The following CCP110 variants were observed in gnomAD, a reference collection of about 807,000 sequenced individuals.
CCP110 encodes the protein centriolar coiled-coil protein of 110 kDa.
In CCP110, 43 loss-of-function variants were observed where a neutral mutation model predicts 105.5. The observed-to-expected ratio is 0.41, with a 90% CI of 0.32 to 0.53. The LOEUF is 0.53. Ranked by LOEUF, CCP110 falls within the 20% of genes least tolerant of loss-of-function variation. The probability of loss-of-function intolerance (pLI) is 0.32; values close to 1 mark genes in which losing one functional copy is unlikely to be tolerated. For synonymous variants in CCP110, 353 were observed against 392.1 expected, an observed-to-expected ratio of 0.90 and a Z score of 1.18; for missense variants, 1,016 against 1,189.1, an observed-to-expected ratio of 0.85 and a Z score of 2.14.
intron 14 of CCP110, among the ~76,000 whole-genome samples, chr16:19,550,611 A>G (rs1207699170): frequency 1.3e-5 from 2 of 152,158 alleles, no homozygotes; most frequent in African/African-American, 2.4e-5. Context: ...ACAAATTTGA[A>G]ATTATGTTCT....
chr16:19,548,272 T>C lies in CCP110; in HGVS notation c.2901-243T>C. ...CATACCATTTTACTCATAAAGTATTTTAAATATCCATATAGTAAATTCAGC... is the reference window on the plus strand; with the variant it reads ...CATACCATTTTACTCATAAAGTATTCTAAATATCCATATAGTAAATTCAGC... On this transcript the variant is annotated intron_variant, in intron 13 of 14. Transcript: ENST00000381396. This position sits in a 1 kb window ranked among gnomAD's most constrained non-coding sequence, Gnocchi z 4.1. The C allele has an allele frequency of 1.7e-6, 1 of 576,688 alleles. No homozygotes were observed. The highest frequency in any genetic ancestry group is 2.8e-5 in the East Asian group (1 of 35,348). The allele number at this position is 576,688 out of a possible 1,614,324, so 35.7% of individuals were successfully genotyped here. A position where few individuals can be genotyped will look rare whatever the true frequency, so the allele number is the denominator to read the frequency against.
intron 3 of CCP110, among the ~76,000 whole-genome samples, chr16:19,534,880 T>C (rs1969995431): frequency 6.8e-6 from 1 of 146,550 alleles, no homozygotes; most frequent in Non-Finnish European, 1.5e-5. Context: ...GACTTTTTTT[T>C]TTTTTTTTTT....
chr16:19,551,502 C>G (rs924614604), exon 15 of CCP110: 1 of 468,476 alleles, frequency 2.1e-6, no homozygotes, highest in African/African-American at 2.0e-5. Flanking sequence ...CCTATACAAA[C>G]ATAAGTTTAT....
At chr16:19,545,710 T>C (rs956516360) in intron 10 of CCP110, 107 bp from the exon 11 acceptor site, 1 of 677,704 alleles carries the variant, frequency 1.5e-6, no homozygotes, top group Non-Finnish European at 2.6e-6. Context: ...AAATTAAAAA[T>C]GTTAGTAGAG....
intron 1 of CCP110, 78 bp from the exon 2 acceptor site, chr16:19,527,789 C>T: frequency 8.4e-7 from 1 of 1,187,454 alleles, no homozygotes; most frequent in Non-Finnish European, 1.2e-6. Context: ...GGGACTCTCT[C>T]ATGCTCTACA....
At chr16:19,540,922 A>C in intron 5 of CCP110, 135 bp downstream of exon 5, 1 of 546,476 alleles carries the variant, frequency 1.8e-6, no homozygotes, top group Non-Finnish European at 3.2e-6. Context: ...TTGATACGTG[A>C]ATGGTATTTT....
intron 4 of CCP110, among the ~76,000 whole-genome samples, chr16:19,538,651 A>G (rs1015176334): frequency 2.6e-5 from 4 of 151,834 alleles, no homozygotes; most frequent in Non-Finnish European, 4.4e-5. Flanking sequence ...GTTTTAATTC[A>G]CTGTATTGCT....
intron 5 of CCP110, 43 bp from the exon 6 acceptor site, chr16:19,541,843 TA>T: frequency 8.9e-7 from 1 of 1,121,170 alleles, no homozygotes; most frequent in Non-Finnish European, 1.2e-6. Flanking sequence ...TTTTGGGACA[TA>T]ATTAAAAGGT....
At chr16:19,538,208 C>T (rs1970145680) in intron 4 of CCP110, among the ~76,000 whole-genome samples, 1 of 151,816 alleles carries the variant, frequency 6.6e-6, no homozygotes, top group African/African-American at 2.4e-5. Context: ...CAGGCGTGAG[C>T]CATCATGCCT....
exon 4 of CCP110, chr16:19,536,063 G>A: frequency 1.2e-6 from 2 of 1,614,042 alleles, no homozygotes; most frequent in Non-Finnish European, 1.7e-6. Flanking sequence ...AAGCCATACG[G>A]AACACTCTAC....
Position 19,548,660 on chromosome 16 carries a change from A to C in CCP110, c.2986+60A>C. 1 of 1,053,118 alleles carries C rather than the reference A, an allele frequency of 9.5e-7. No homozygotes were observed. Among genetic ancestry groups the C allele is most frequent in the Non-Finnish European group, 1.4e-6 (1 of 709,314 alleles). The allele number at this position is 1,053,118 out of a possible 1,614,324, so 65.2% of individuals were successfully genotyped here. On this transcript the variant is annotated intron_variant, in intron 14 of 14. Transcript: ENST00000381396. The surrounding 1 kb of genome is among the most constrained non-coding windows in gnomAD (Gnocchi z 4.1). The stretch of plus-strand genomic sequence containing the variant: ...TAGAAGGAAGTGCACAAGCTGCCCC[A>C]TAACTCAGGCCATAGAAGTGGAATA...
intron 7 of CCP110, 58 bp downstream of exon 7, chr16:19,542,818 A>G (rs1970334667): frequency 6.5e-7 from 1 of 1,528,360 alleles, no homozygotes; most frequent in African/African-American, 1.4e-5. Context: ...TAAGAGCTAT[A>G]TTATCTTAGA....
chr16:19,541,649 G>GGAGAGA (rs142905705), intron 5 of CCP110, among the ~76,000 whole-genome samples: 30 of 128,920 alleles, frequency 2.3e-4, no homozygotes, highest in Admixed American at 1.2e-3. Flanking sequence ...GAGAGAGAGA[G>GGAGAGA]GAGAGAGAGA....
At position 19,545,081 on chromosome 16, in the gene CCP110, C is replaced by T; in HGVS notation, c.2587-13C>T. ...TTTTAAATGTATACAATATTTTCTTCTCTTGTGCCTAGTTGCGAGCTGCCT... is the reference window on the plus strand; with the variant it reads ...TTTTAAATGTATACAATATTTTCTTTTCTTGTGCCTAGTTGCGAGCTGCCT... On this transcript the variant is annotated splice_polypyrimidine_tract_variant and intron_variant, in intron 9 of 14. Transcript: ENST00000381396. The T allele has an allele frequency of 6.6e-7, 1 of 1,504,512 alleles. No homozygotes were observed. Among genetic ancestry groups the T allele is most frequent in the Non-Finnish European group, 9.2e-7 (1 of 1,088,622 alleles). 93.2% of individuals were successfully genotyped at this position (1,504,512 alleles called of 1,614,324 possible). A position where few individuals can be genotyped will look rare whatever the true frequency, so the allele number is the denominator to read the frequency against.
rs1032387327 is a variant in CCP110 at position 19,548,181 on chromosome 16, C to T, written c.2900+167C>T. ...TTTAAAGTTTTGTCTTCAAATGTAA[C>T]CCTCTTGGTGTACTGTTGTGTATTC... On this transcript the variant is annotated intron_variant, in intron 13 of 14. Transcript: ENST00000381396. This position sits in a 1 kb window ranked among gnomAD's most constrained non-coding sequence, Gnocchi z 4.1. 1.5e-6 allele frequency: 1 copy of T among 666,618 alleles called. No individual in the cohort carries two copies. The highest frequency in any genetic ancestry group is 2.6e-5 in the Admixed American group (1 of 39,128). 41.3% of individuals were successfully genotyped at this position (666,618 alleles called of 1,614,324 possible). A position where few individuals can be genotyped will look rare whatever the true frequency, so the allele number is the denominator to read the frequency against.
exon 4 of CCP110, chr16:19,537,062 T>G: frequency 6.2e-7 from 1 of 1,614,170 alleles, no homozygotes; most frequent in Non-Finnish European, 8.5e-7. Flanking sequence ...ATGTCAATCT[T>G]CAGGAAATCA....
At chr16:19,538,872 G>T (rs1006383447) in intron 4 of CCP110, among the ~76,000 whole-genome samples, 5 of 151,992 alleles carry the variant, frequency 3.3e-5, no homozygotes, top group African/African-American at 1.2e-4. Context: ...AGCACTTTGG[G>T]AGGCCGAGGT....
intron 2 of CCP110, among the ~76,000 whole-genome samples, chr16:19,532,196 G>A (rs1969893504): frequency 6.6e-6 from 1 of 152,048 alleles, no homozygotes; most frequent in Admixed American, 6.6e-5. Context: ...TTTGATATAT[G>A]GCATACACAT....
rs1020621558 is a variant in CCP110, at chr16:19,548,124, AT to A, written c.2900+118del. On this transcript the variant is annotated intron_variant, in intron 13 of 14. Transcript: ENST00000381396. The surrounding 1 kb of genome is among the most constrained non-coding windows in gnomAD (Gnocchi z 4.1). Reference sequence around the variant, plus strand: ...TAAAGGATAATGGTTTTTCAATGGGATTTTTTTTCTTTATAGCATTGGGAAA... The same window carrying A: ...TAAAGGATAATGGTTTTTCAATGGGATTTTTTTCTTTATAGCATTGGGAAA... The A allele has an allele frequency of 4.8e-6, 4 of 832,030 alleles. No individual in the cohort carries two copies. The highest frequency in any genetic ancestry group is 2.2e-5 in the Admixed American group (1 of 45,308). 51.5% of individuals were successfully genotyped at this position (832,030 alleles called of 1,614,324 possible). A position where few individuals can be genotyped will look rare whatever the true frequency, so the allele number is the denominator to read the frequency against.
Sources: allele counts gnomAD v4.1 joint callset (sites outside exome capture counted in the v4.1 genomes callset), GRCh38; gene constraint gnomAD v4.1.1; non-coding constraint Gnocchi (gnomAD v3.1); transcripts MANE v1.5; gene names NCBI Gene and HGNC (gene_info 2026-07-23, HGNC 2026-07-21).